CELF2: variants seen among roughly 807,000 people sequenced by gnomAD.
CELF2 encodes the protein CUGBP Elav-like family member 2.
CELF2 carries 8 observed loss-of-function variants against 62.6 expected under a neutral mutation model. The observed-to-expected ratio is 0.13, with a 90% CI of 0.07 to 0.23. The LOEUF (loss-of-function observed/expected upper bound fraction) is 0.23. Ranked by LOEUF, CELF2 falls within the 10% of genes least tolerant of loss-of-function variation. The pLI is 1.00. For missense variants in CELF2, 333 were observed against 671.0 expected (o/e 0.50, Z 5.56); for synonymous variants, 258 against 250.0 (o/e 1.03, Z -0.30).
At chr10:10,732,802 G>A in the CELF2 span, among the ~76,000 whole-genome samples, 10 of 152,246 alleles carry the variant, frequency 6.6e-5, no homozygotes, top group Admixed American at 2.0e-4. Context: ...GGGATTACAG[G>A]CGTGAGCCAC....
the CELF2 span, among the ~76,000 whole-genome samples, chr10:10,468,029 G>A: frequency 1.3e-5 from 2 of 151,880 alleles, no homozygotes; most frequent in African/African-American, 4.8e-5. Flanking sequence ...AAGAAAAAAT[G>A]GTGTCCTTTA....
At chr10:10,674,171 C>T in the CELF2 span, among the ~76,000 whole-genome samples, 1 of 152,136 alleles carries the variant, frequency 6.6e-6, no homozygotes, top group Non-Finnish European at 1.5e-5. Flanking sequence ...CCTTGCAGTG[C>T]TATTGGTTTT....
At chr10:11,028,837 A>G (rs1373641851) in intron 1 of CELF2, among the ~76,000 whole-genome samples, 1 of 150,632 alleles carries the variant, frequency 6.6e-6, no homozygotes, top group Non-Finnish European at 1.5e-5. Context: ...CTCCTGCCTC[A>G]GTCTTCTGAG....
chr10:10,729,019 C>T, the CELF2 span, among the ~76,000 whole-genome samples: 120 of 152,154 alleles, frequency 7.9e-4, 1 homozygote, highest in South Asian at 1.7e-3. Context: ...ATGTAAAGCG[C>T]CGGCTGTATG....
intron 2 of CELF2, among the ~76,000 whole-genome samples, chr10:10,982,029 C>T (rs937784975): frequency 1.9e-4 from 28 of 151,086 alleles, no homozygotes; most frequent in African/African-American, 6.6e-4. Context: ...GATCTCAGCC[C>T]ACTGCAGCCT....
the CELF2 span, among the ~76,000 whole-genome samples, chr10:10,506,268 T>TTGTGTGTGTG: frequency 1.7e-5 from 1 of 60,256 alleles, no homozygotes; most frequent in African/African-American, 5.1e-5. Flanking sequence ...AAGATGCACT[T>TTGTGTGTGTG]CGTGTGTGTG....
At chr10:11,229,588 T>A (rs899630212) in intron 3 of CELF2, among the ~76,000 whole-genome samples, 2 of 150,954 alleles carry the variant, frequency 1.3e-5, no homozygotes, top group Non-Finnish European at 2.9e-5. Context: ...GATGAGAGTC[T>A]GGCATCAGTA....
At chr10:11,197,025 A>AAAGAAAAG (rs1554936315) in intron 2 of CELF2, among the ~76,000 whole-genome samples, 1 of 26,048 alleles carries the variant, frequency 3.8e-5, no homozygotes, top group Non-Finnish European at 8.3e-5. Context: ...AGAAAGAAAG[A>AAAGAAAAG]AAAGAAAGAA....
chr10:10,661,932 C>T, the CELF2 span, among the ~76,000 whole-genome samples: 1 of 152,136 alleles, frequency 6.6e-6, no homozygotes, highest in Non-Finnish European at 1.5e-5. Context: ...ATCTAAACAT[C>T]AGTCAATCAT....
intron 1 of CELF2, among the ~76,000 whole-genome samples, chr10:11,100,297 G>C (rs1460380892): frequency 1.3e-5 from 2 of 152,232 alleles, no homozygotes; most frequent in East Asian, 3.9e-4. Flanking sequence ...TGGAATGTCA[G>C]CTAAGGGTGA....
chr10:10,553,310 G>A, the CELF2 span, among the ~76,000 whole-genome samples: 1 of 152,084 alleles, frequency 6.6e-6, no homozygotes, highest in Non-Finnish European at 1.5e-5. Flanking sequence ...CATGACACAT[G>A]GGAATTACAG....
At chr10:10,676,731 C>G in the CELF2 span, among the ~76,000 whole-genome samples, 1 of 152,118 alleles carries the variant, frequency 6.6e-6, no homozygotes, top group Non-Finnish European at 1.5e-5. Context: ...GATGTGTTTC[C>G]AGTTTGGAGG....
intron 1 of CELF2, among the ~76,000 whole-genome samples, chr10:11,027,045 C>G (rs2059332668): frequency 1.3e-5 from 2 of 152,102 alleles, no homozygotes; most frequent in South Asian, 4.1e-4. Flanking sequence ...ACCAGGAGGC[C>G]TCCAACTGCA....
intron 1 of CELF2, among the ~76,000 whole-genome samples, chr10:11,142,422 C>T (rs1438094206): frequency 8.5e-5 from 13 of 152,174 alleles, no homozygotes; most frequent in South Asian, 8.3e-4. Flanking sequence ...CGGTGGCTCA[C>T]GCCTGTAATC....
At chr10:10,975,888 T>C (rs1478846660) in intron 2 of CELF2, among the ~76,000 whole-genome samples, 3 of 152,234 alleles carry the variant, frequency 2.0e-5, no homozygotes, top group Non-Finnish European at 4.4e-5. Flanking sequence ...CACTAAGTCC[T>C]ACTTGGCAAT....
chr10:10,696,840 C>G, the CELF2 span, among the ~76,000 whole-genome samples: 2 of 152,358 alleles, frequency 1.3e-5, no homozygotes, highest in African/African-American at 4.8e-5. Flanking sequence ...CCTGCTTCGG[C>G]TAGCGCACGG....
chr10:10,876,715 C>A (rs1000768992), intron 1 of CELF2, among the ~76,000 whole-genome samples: 101 of 152,346 alleles, frequency 6.6e-4, no homozygotes, highest in African/African-American at 2.3e-3. Context: ...TCTCCACTTA[C>A]GGGATCATGT....
At chr10:11,274,125 C>T (rs1488547189) in intron 7 of CELF2, among the ~76,000 whole-genome samples, 3 of 152,202 alleles carry the variant, frequency 2.0e-5, no homozygotes, top group African/African-American at 7.2e-5. Flanking sequence ...TGTGGTAAAT[C>T]TGTGTTTCTG....
chr10:10,625,847 G>A, the CELF2 span, among the ~76,000 whole-genome samples: 15 of 152,156 alleles, frequency 9.9e-5, no homozygotes, highest in Non-Finnish European at 1.6e-4. Context: ...GCACCAGCAC[G>A]ATTGCTTCAT....
Sources: allele counts gnomAD v4.1 joint callset (sites outside exome capture counted in the v4.1 genomes callset), GRCh38; gene constraint gnomAD v4.1.1; transcripts MANE v1.5; gene names NCBI Gene and HGNC (gene_info 2026-07-23, HGNC 2026-07-21).